The following MAF variants were observed in gnomAD, a reference collection of about 807,000 sequenced individuals.
The protein encoded by MAF is MAF bZIP transcription factor, also known as transcription factor Maf.
A neutral mutation model predicts 22.0 loss-of-function variants in MAF; 10 were observed. The observed-to-expected ratio is 0.45, with a 90% CI of 0.28 to 0.77. MAF has a LOEUF of 0.77. MAF is among the 30% of genes least tolerant of loss of function. The pLI is 0.12. For missense variants in MAF, 544 were observed against 548.4 expected (o/e 0.99, Z 0.08); for synonymous variants, 337 against 255.8 (o/e 1.32, Z -3.03).
chr16:79,362,006 G>T, the MAF span, among the ~76,000 whole-genome samples: 1 of 152,168 alleles, frequency 6.6e-6, no homozygotes, highest in African/African-American at 2.4e-5. Flanking sequence ...CCCATTTGAA[G>T]ATGAACTGGA....
chr16:79,254,296 C>T, the MAF span, among the ~76,000 whole-genome samples: 10 of 152,018 alleles, frequency 6.6e-5, no homozygotes, highest in Non-Finnish European at 1.5e-4. Flanking sequence ...GTAGTGTATG[C>T]TGATAGAGTT....
At chr16:79,440,182 T>C in the MAF span, among the ~76,000 whole-genome samples, 5 of 152,178 alleles carry the variant, frequency 3.3e-5, no homozygotes, top group Non-Finnish European at 7.4e-5. Context: ...TTTCTAAGAA[T>C]GATAAGGAAG....
chr16:79,285,271 G>GC, the MAF span, among the ~76,000 whole-genome samples: 1 of 151,952 alleles, frequency 6.6e-6, no homozygotes, highest in Admixed American at 6.6e-5. Flanking sequence ...AATATATACG[G>GC]CCCCCCTTTC....
At chr16:79,558,834 A>T in the MAF span, among the ~76,000 whole-genome samples, 2 of 152,202 alleles carry the variant, frequency 1.3e-5, no homozygotes, top group African/African-American at 4.8e-5. Flanking sequence ...TTTGATTATA[A>T]TAGGGGCTCC....
chr16:79,237,956 C>T, the MAF span, among the ~76,000 whole-genome samples: 19 of 152,116 alleles, frequency 1.2e-4, no homozygotes, highest in African/African-American at 3.4e-4. Context: ...TCCAGCAACT[C>T]GTCTTAGACG....
the MAF span, among the ~76,000 whole-genome samples, chr16:79,276,464 C>T: frequency 1.3e-5 from 2 of 152,264 alleles, no homozygotes; most frequent in South Asian, 4.1e-4. Flanking sequence ...GTCTCCATTA[C>T]ACAAGCTGGA....
chr16:79,557,238 A>T, the MAF span, among the ~76,000 whole-genome samples: 2 of 152,024 alleles, frequency 1.3e-5, no homozygotes. Flanking sequence ...GAGCTAAGAA[A>T]GACTTTCTTG....
At chr16:79,390,305 C>G in the MAF span, among the ~76,000 whole-genome samples, 3 of 152,190 alleles carry the variant, frequency 2.0e-5, no homozygotes, top group Middle Eastern at 6.8e-3. Context: ...TTTTCACCGA[C>G]AGAGATGCTT....
chr16:79,269,043 C>G, the MAF span, among the ~76,000 whole-genome samples: 1 of 152,148 alleles, frequency 6.6e-6, no homozygotes, highest in Non-Finnish European at 1.5e-5. Flanking sequence ...ATCTTTCTAC[C>G]TTTTCTTGGC....
At chr16:79,423,433 A>T in the MAF span, among the ~76,000 whole-genome samples, 2 of 152,184 alleles carry the variant, frequency 1.3e-5, no homozygotes, top group African/African-American at 4.8e-5. Flanking sequence ...GAGTCTGAGC[A>T]AATCAAACCC....
At chr16:79,497,048 A>G in the MAF span, among the ~76,000 whole-genome samples, 1 of 152,202 alleles carries the variant, frequency 6.6e-6, no homozygotes, top group Admixed American at 6.5e-5. Context: ...TAATAAAAAC[A>G]TCTTTTCTCC....
the MAF span, among the ~76,000 whole-genome samples, chr16:79,319,750 A>G: frequency 1.3e-5 from 2 of 152,358 alleles, no homozygotes; most frequent in Admixed American, 1.3e-4. Context: ...CATAGAGTGA[A>G]AAGTGGCAGG....
At chr16:79,545,471 G>A in the MAF span, among the ~76,000 whole-genome samples, 3 of 151,644 alleles carry the variant, frequency 2.0e-5, no homozygotes, top group South Asian at 4.2e-4. Flanking sequence ...TGCACACATT[G>A]CATGCCTATG....
At chr16:79,580,787 G>T in the MAF span, among the ~76,000 whole-genome samples, 1 of 149,768 alleles carries the variant, frequency 6.7e-6, no homozygotes, top group Admixed American at 6.8e-5. Context: ...CTAGGTAATG[G>T]TGAGAAACTG....
At chr16:79,224,312 C>T in the MAF span, among the ~76,000 whole-genome samples, 1 of 152,106 alleles carries the variant, frequency 6.6e-6, no homozygotes, top group African/African-American at 2.4e-5. Context: ...ATTCAACAAC[C>T]CTTCATGCTA....
At chr16:79,266,494 G>C in the MAF span, among the ~76,000 whole-genome samples, 9 of 152,150 alleles carry the variant, frequency 5.9e-5, no homozygotes, top group Non-Finnish European at 1.3e-4. Flanking sequence ...TGGAAAGAAA[G>C]AAGTTGATAA....
At chr16:79,340,533 G>C in the MAF span, among the ~76,000 whole-genome samples, 7 of 151,644 alleles carry the variant, frequency 4.6e-5, no homozygotes, top group African/African-American at 1.7e-4. Flanking sequence ...ACAGCCAACA[G>C]CAAAATTTTT....
the MAF span, among the ~76,000 whole-genome samples, chr16:79,293,867 G>A: frequency 2.7e-5 from 4 of 149,626 alleles, no homozygotes; most frequent in South Asian, 2.2e-4. Flanking sequence ...GAGAGAGAGA[G>A]AGAAAGAGAG....
At chr16:79,365,155 C>A in the MAF span, among the ~76,000 whole-genome samples, 1 of 152,194 alleles carries the variant, frequency 6.6e-6, no homozygotes, top group Non-Finnish European at 1.5e-5. Context: ...GGAATTGTCT[C>A]CGTCTAATGT....
Sources: gnomAD v4.1 joint callset for allele counts (sites outside exome capture counted in the v4.1 genomes callset) on GRCh38, gnomAD v4.1.1 for gene constraint, MANE v1.5 for transcripts, NCBI Gene and HGNC (gene_info 2026-07-23, HGNC 2026-07-21) for gene names.